Variants in CAMTA1 observed in about 807,000 individuals in gnomAD.
CAMTA1 encodes the protein calmodulin binding transcription activator 1.
A neutral mutation model predicts 170.9 loss-of-function variants in CAMTA1; 27 were observed. The ratio of observed to expected loss-of-function variants is 0.16; its 90% CI spans 0.12 to 0.22. The LOEUF (loss-of-function observed/expected upper bound fraction) is 0.22, where lower values mean the gene tolerates loss of function less well. Ranked by LOEUF, CAMTA1 falls within the 10% of genes least tolerant of loss-of-function variation. The pLI is 1.00. For missense variants in CAMTA1, 1,619 were observed against 2,217.2 expected (o/e 0.73, Z 5.42); for synonymous variants, 833 against 891.5 (o/e 0.93, Z 1.17).
At chr1:6,891,893 A>AAG (rs1674572007) in intron 3 of CAMTA1, among the ~76,000 whole-genome samples, 1 of 152,198 alleles carries the variant, frequency 6.6e-6, no homozygotes, top group Admixed American at 6.5e-5. Flanking sequence ...AAAGACCAGC[A>AAG]AGGAGAGCTT....
intron 3 of CAMTA1, among the ~76,000 whole-genome samples, chr1:6,936,284 A>G (rs753673978): frequency 6.6e-6 from 1 of 152,218 alleles, no homozygotes; most frequent in Non-Finnish European, 1.5e-5. Flanking sequence ...TCTTCTTATC[A>G]GGAGAAGCCA....
At chr1:7,143,767 A>T (rs1646022342) in intron 4 of CAMTA1, among the ~76,000 whole-genome samples, 1 of 152,198 alleles carries the variant, frequency 6.6e-6, no homozygotes, top group Admixed American at 6.5e-5. Flanking sequence ...ACTTTTAGGG[A>T]TTCAGATAAA....
chr1:6,881,203 C>G (rs1321217505), intron 3 of CAMTA1, among the ~76,000 whole-genome samples: 1 of 152,096 alleles, frequency 6.6e-6, no homozygotes, highest in Non-Finnish European at 1.5e-5. Flanking sequence ...AAAAAACTGC[C>G]CAATCTGTTT....
rs1192086857 is a variant in CAMTA1, at chr1:7,276,295, ATATATATATTTTTT to A, written c.438+26671_438+26684del. 1.4e-4 allele frequency among the ~76,000 whole-genome samples: 3 copies of A among 21,262 alleles called. No individual in the cohort carries two copies. The East Asian group carries it at 6.0e-3, about 43-fold the overall frequency. The allele number at this position is 21,262 out of a possible 152,430, so 13.9% of individuals were successfully genotyped here. A position where few individuals can be genotyped will look rare whatever the true frequency, so the allele number is the denominator to read the frequency against. On this transcript the variant is annotated intron_variant, in intron 5 of 22. Transcript: ENST00000303635. ...CACCTGATCATATATATATATATAT[ATATATATATTTTTT>A]TTTTTTTTTTTTCTTTTTGAGACAG...
intron 4 of CAMTA1, among the ~76,000 whole-genome samples, chr1:7,136,351 T>C (rs956821110): frequency 3.9e-5 from 6 of 152,212 alleles, no homozygotes; most frequent in African/African-American, 1.2e-4. Flanking sequence ...TTGTCCTGGC[T>C]GCAACCACCC....
intron 7 of CAMTA1, among the ~76,000 whole-genome samples, chr1:7,654,778 C>A (rs554215018): frequency 6.7e-6 from 1 of 149,546 alleles, no homozygotes; most frequent in South Asian, 2.1e-4. Context: ...CCTAAACACA[C>A]ACCTATACCC....
In CAMTA1 at chr1:7,482,775, A is replaced by G. The variant is rs1043307063; in HGVS notation, c.510+14874A>G. 3.3e-5 allele frequency among the ~76,000 whole-genome samples: 5 copies of G among 152,166 alleles called. No individual in the cohort carries two copies. The highest frequency in any genetic ancestry group is 6.5e-5 in the Admixed American group (1 of 15,288). On this transcript the variant is annotated intron_variant, in intron 6 of 22. Coordinates refer to ENST00000303635, the MANE Select transcript of CAMTA1 (RefSeq NM_015215.4). This position sits in a 1 kb window ranked among gnomAD's most constrained non-coding sequence, Gnocchi z 4.2. ...GTCGGTTCCAAAGAAATGAGCTCCC[A>G]TGGGGTCTCATTTTGCCCTATCTGT...
chr1:7,344,599 T>TGAGGTC lies in CAMTA1; in HGVS notation c.438+94974_438+94979dup, dbSNP rs796634351. On this transcript the variant is annotated intron_variant, in intron 5 of 22. Coordinates refer to ENST00000303635, the MANE Select transcript of CAMTA1 (RefSeq NM_015215.4). The stretch of plus-strand genomic sequence containing the variant: ...TTCCAGGGTCTCCACCCTCTGCGCA[T>TGAGGTC]GAGGTCAGACTTCTTAATTGTTGCC... Among the ~76,000 whole-genome samples the TGAGGTC allele has an allele frequency of 4.9e-3, 747 of 152,274 alleles. 7 individuals carry two copies. The highest frequency in any genetic ancestry group is 0.017 in the African/African-American group (719 of 41,536).
intron 5 of CAMTA1, among the ~76,000 whole-genome samples, chr1:7,407,478 C>T (rs1243195283): frequency 6.6e-6 from 1 of 152,162 alleles, no homozygotes; most frequent in East Asian, 1.9e-4. Flanking sequence ...AGAGGCCACC[C>T]ATGGTGAGTT....
chr1:7,328,913 C>A (rs1452883035), intron 5 of CAMTA1, among the ~76,000 whole-genome samples: 1 of 151,958 alleles, frequency 6.6e-6, no homozygotes. Flanking sequence ...TTGATAATTC[C>A]AATATCTGAG....
chr1:6,799,496 C>A lies in CAMTA1; in HGVS notation c.45+13921C>A, dbSNP rs572394994. On this transcript the variant is annotated intron_variant, in intron 1 of 22. Transcript: ENST00000303635. Reference sequence around the variant, plus strand: ...TAGAAGCCTTTCTCTCCATGGCCTCCATACCTTCTTTTACCAGATGGTATT... The same window carrying A: ...TAGAAGCCTTTCTCTCCATGGCCTCAATACCTTCTTTTACCAGATGGTATT... Among the ~76,000 whole-genome samples the A allele has an allele frequency of 5.1e-4, 78 of 152,350 alleles. 1 individual carries two copies. The South Asian group carries it at 0.015, about 29-fold the overall frequency.
chr1:7,253,870 G>C (rs769993314), intron 5 of CAMTA1, among the ~76,000 whole-genome samples: 1 of 152,116 alleles, frequency 6.6e-6, no homozygotes, highest in South Asian at 2.1e-4. Flanking sequence ...CTGGGGATTG[G>C]AGGCTTTCTA....
chr1:7,172,783 C>A (rs990241648), intron 4 of CAMTA1, among the ~76,000 whole-genome samples: 3 of 152,216 alleles, frequency 2.0e-5, no homozygotes, highest in African/African-American at 7.2e-5. Flanking sequence ...TAGGACCATG[C>A]CCGTGATGGC....
chr1:7,287,443 G>A (rs1357939012), intron 5 of CAMTA1, among the ~76,000 whole-genome samples: 1 of 152,182 alleles, frequency 6.6e-6, no homozygotes, highest in Non-Finnish European at 1.5e-5. Flanking sequence ...ACTGAGTTGA[G>A]CTATTCTAAC....
chr1:6,926,367 C>G (rs1683090965), intron 3 of CAMTA1, among the ~76,000 whole-genome samples: 2 of 147,098 alleles, frequency 1.4e-5, no homozygotes, highest in South Asian at 2.3e-4. Context: ...TCCCTTCCTT[C>G]CTTTCTCTTT....
intron 4 of CAMTA1, among the ~76,000 whole-genome samples, chr1:7,182,748 G>C (rs1378305483): frequency 6.6e-6 from 1 of 152,148 alleles, no homozygotes; most frequent in East Asian, 1.9e-4. Context: ...CATTGAGGAA[G>C]GGGTACTTGA....
chr1:7,335,861 G>T (rs2083351609), intron 5 of CAMTA1, among the ~76,000 whole-genome samples: 1 of 152,010 alleles, frequency 6.6e-6, no homozygotes, highest in Non-Finnish European at 1.5e-5. Context: ...GTAAAATGTG[G>T]TTAAATAAGA....
At chr1:6,999,692 G>A (rs150052831) in intron 3 of CAMTA1, among the ~76,000 whole-genome samples, 207 of 152,220 alleles carry the variant, frequency 1.4e-3, no homozygotes, top group African/African-American at 4.3e-3. Flanking sequence ...TCTTAGAGCG[G>A]TTGTACTCCT....
chr1:7,002,003 T>A (rs1572355611), intron 3 of CAMTA1, among the ~76,000 whole-genome samples: 1 of 151,196 alleles, frequency 6.6e-6, no homozygotes, highest in South Asian at 2.1e-4. Flanking sequence ...TTCAAGCAAT[T>A]CTCCTGCCTC....
Sources: gnomAD v4.1 joint callset for allele counts (sites outside exome capture counted in the v4.1 genomes callset) on GRCh38, gnomAD v4.1.1 for gene constraint, Gnocchi (gnomAD v3.1) non-coding constraint, MANE v1.5 for transcripts, NCBI Gene and HGNC (gene_info 2026-07-23, HGNC 2026-07-21) for gene names.